Variants in SLC2A7 observed in about 807,000 individuals in gnomAD.
SLC2A7 encodes solute carrier family 2 member 7.
Under a neutral mutation model 50.5 loss-of-function variants are expected in SLC2A7, and 50 were observed. That is an observed-to-expected ratio of 0.99 (90% CI 0.79 to 1.25). The LOEUF (loss-of-function observed/expected upper bound fraction) is 1.25. Ranked by LOEUF, SLC2A7 falls within the 50% of genes most tolerant of loss-of-function variation. The pLI, the probability that SLC2A7 is intolerant of heterozygous loss-of-function variation, is 0.00. For synonymous variants in SLC2A7, 308 were observed against 300.4 expected (o/e 1.03, Z -0.26); for missense variants, 683 against 679.1 (o/e 1.01, Z -0.06).
chr1:8,999,416 T>A (rs1425621404), downstream of SLC2A7, among the ~76,000 whole-genome samples: 1 of 152,238 alleles, frequency 6.6e-6, no homozygotes, highest in Non-Finnish European at 1.5e-5. Flanking sequence ...CCCCTTACTA[T>A]CCTGTCCCCT....
At chr1:9,012,923 T>C (rs1456439593) in intron 8 of SLC2A7, among the ~76,000 whole-genome samples, 2 of 152,052 alleles carry the variant, frequency 1.3e-5, no homozygotes, top group Non-Finnish European at 2.9e-5. Context: ...AGTCTCACTC[T>C]TGTCACCCAG....
At chr1:9,006,379 C>T (rs1326062325) in intron 10 of SLC2A7, among the ~76,000 whole-genome samples, 1 of 152,184 alleles carries the variant, frequency 6.6e-6, no homozygotes, top group Non-Finnish European at 1.5e-5. Flanking sequence ...TCCCGAGTAG[C>T]TGGGACTACA....
rs1363072850 is a variant in SLC2A7, at chr1:9,008,280, G to A, written c.1117-895C>T. On this transcript the variant is annotated intron_variant, in intron 9 of 11. Transcript: ENST00000400906. This position sits in a 1 kb window ranked among gnomAD's most constrained non-coding sequence, Gnocchi z 5.9. ...TGGCGAGGTGGGAGGGGAGGCACTG[G>A]GAGCTTCCAAGCAGAGAAGCAACAA... 6.6e-6 allele frequency among the ~76,000 whole-genome samples: 1 copy of A among 152,106 alleles called. No individual in the cohort carries two copies. Among genetic ancestry groups the A allele is most frequent in the African/African-American group, 2.4e-5 (1 of 41,412 alleles).
At chr1:9,011,965 G>T (rs1453768980) in intron 8 of SLC2A7, among the ~76,000 whole-genome samples, 4 of 151,784 alleles carry the variant, frequency 2.6e-5, no homozygotes, top group Non-Finnish European at 5.9e-5. Context: ...GGCCAGGCTG[G>T]TCTCGAACTC....
In SLC2A7 at chr1:9,026,313, G is replaced by A. The variant is rs1641000793; in HGVS notation, c.33C>T (p.Pro11=). Residue 11 remains proline (P), a synonymous_variant, in exon 1 of 12, where the codon CCC becomes CCT. Coordinates refer to ENST00000400906, the MANE Select transcript of SLC2A7 (RefSeq NM_207420.3). ...CACTTACCCCCTCCCTGGATGGAAT[G>A]GGTGGAGGGGTTCCCGCCTCTTTGT... The part of the protein sequence containing the change: MENKEAGTPP[P]IPSREGRLQP... The A allele has an allele frequency of 1.2e-6, 2 of 1,609,714 alleles. No homozygotes were observed. Among genetic ancestry groups the A allele is most frequent in the African/African-American group, 1.3e-5 (1 of 74,986 alleles).
At chr1:8,996,083 T>C in the SLC2A7 span, among the ~76,000 whole-genome samples, 1 of 150,200 alleles carries the variant, frequency 6.7e-6, no homozygotes, top group Non-Finnish European at 1.5e-5. Flanking sequence ...AACATTTTTA[T>C]AGTTTTTTCT....
At position 9,008,408 on chromosome 1, in the gene SLC2A7, C is replaced by T. The variant is rs1194046948; in HGVS notation, c.1117-1023G>A. 1.3e-5 allele frequency among the ~76,000 whole-genome samples: 2 copies of T among 152,120 alleles called. No individual in the cohort carries two copies. The highest frequency in any genetic ancestry group is 2.4e-5 in the African/African-American group (1 of 41,412). Reference sequence around the variant, plus strand: ...CTGGGTTGGTGGGGCCGCCCTGGACCCGGTGTGAAGCGAGCAGCTGCTGCT... The same window carrying T: ...CTGGGTTGGTGGGGCCGCCCTGGACTCGGTGTGAAGCGAGCAGCTGCTGCT... On this transcript the variant is annotated intron_variant, in intron 9 of 11. Transcript: ENST00000400906. This position sits in a 1 kb window ranked among gnomAD's most constrained non-coding sequence, Gnocchi z 5.9.
At chr1:8,998,226 G>A (rs10746483), downstream of SLC2A7, among the ~76,000 whole-genome samples, 59,207 of 151,608 alleles carry the variant, frequency 0.39, 12,123 homozygotes, top group East Asian at 0.66. Flanking sequence ...TAACATGGTG[G>A]AACCCTGTCT....
chr1:9,019,939 A>G (rs1224450310), intron 3 of SLC2A7, among the ~76,000 whole-genome samples: 1 of 152,288 alleles, frequency 6.6e-6, no homozygotes, highest in African/African-American at 2.4e-5. Flanking sequence ...AAAGAAAAAG[A>G]AAAAGAAAAA....
chr1:9,010,357 G>GTCTT (rs552163843), intron 8 of SLC2A7, 113 bp from the exon 9 acceptor site: 1 of 803,378 alleles, frequency 1.2e-6, no homozygotes, highest in Non-Finnish European at 2.0e-6. Flanking sequence ...TCTTTCTTTT[G>GTCTT]TCTTTCTTTC....
In SLC2A7 at chr1:9,014,741, G is replaced by C. The variant is rs769071889; in HGVS notation, c.843C>G (p.Arg281=). Residue 281 remains arginine (R), a synonymous_variant, in exon 7 of 12, where the codon CGC becomes CGG. Coordinates refer to ENST00000400906, the MANE Select transcript of SLC2A7 (RefSeq NM_207420.3). ...GCACGATGATGGAGAGGAGCTGCCA[G>C]CGCAGGGACCGCAGGGCACAGAGGT... ...VLHLCALRSL[R]WQLLSIIVLM... is the part of the protein sequence containing the mutation. 1 of 1,578,234 alleles carries C rather than the reference G, an allele frequency of 6.3e-7. No individual in the cohort carries two copies. The highest frequency in any genetic ancestry group is 2.3e-5 in the East Asian group (1 of 42,922).
At chr1:9,021,820 C>T (rs2124265110) in intron 3 of SLC2A7, among the ~76,000 whole-genome samples, 1 of 152,308 alleles carries the variant, frequency 6.6e-6, no homozygotes, top group South Asian at 2.1e-4. Flanking sequence ...CTGGGCAAGG[C>T]TGGCACCACC....
In SLC2A7 at chr1:9,020,202, G is replaced by T. The variant is rs181824776; in HGVS notation, c.312-869C>A. ...AAGCTGGGGAGGGGAGCATTCTAAC[G>T]ATCGGAGCTGCCTGCAAAGGGGAGG... On this transcript the variant is annotated intron_variant, in intron 3 of 11. Coordinates refer to ENST00000400906, the MANE Select transcript of SLC2A7 (RefSeq NM_207420.3). 5.3e-3 allele frequency among the ~76,000 whole-genome samples: 813 copies of T among 152,258 alleles called. 6 individuals carry two copies. The highest frequency in any genetic ancestry group is 9.2e-3 in the Non-Finnish European group (625 of 68,006).
intron 7 of SLC2A7, 106 bp from the exon 8 acceptor site, chr1:9,013,741 C>T: frequency 1.0e-6 from 1 of 955,718 alleles, no homozygotes; most frequent in East Asian, 2.7e-5. Flanking sequence ...GGTTGGGGAC[C>T]CTGGGACAGG....
intron 5 of SLC2A7, among the ~76,000 whole-genome samples, chr1:9,017,498 G>C (rs1023927383): frequency 1.3e-5 from 2 of 152,094 alleles, no homozygotes; most frequent in African/African-American, 2.4e-5. Flanking sequence ...GGCCTCGCGG[G>C]GTCTCCCCAC....
chr1:8,993,851 T>A, the SLC2A7 span, among the ~76,000 whole-genome samples: 1 of 152,110 alleles, frequency 6.6e-6, no homozygotes, highest in African/African-American at 2.4e-5. Context: ...ATGGTCTCAA[T>A]CTTCTGATCT....
intron 9 of SLC2A7, 135 bp from the exon 10 acceptor site, chr1:9,007,520 G>A: frequency 2.7e-6 from 2 of 753,462 alleles, no homozygotes; most frequent in South Asian, 1.8e-5. Flanking sequence ...GACCTTGAGG[G>A]CTCTGTGGGC....
At chr1:9,005,960 G>A (rs1046930856) in intron 10 of SLC2A7, among the ~76,000 whole-genome samples, 23 of 152,080 alleles carry the variant, frequency 1.5e-4, no homozygotes, top group Admixed American at 6.6e-5. Context: ...AGTGGACGCC[G>A]GCAGGGATGT....
intron 8 of SLC2A7, among the ~76,000 whole-genome samples, chr1:9,012,175 T>A (rs1640759627): frequency 6.6e-6 from 1 of 152,168 alleles, no homozygotes; most frequent in Non-Finnish European, 1.5e-5. Flanking sequence ...ACAGACAGAC[T>A]ATCACTGCCA....
Sources: gnomAD v4.1 joint callset for allele counts (sites outside exome capture counted in the v4.1 genomes callset) on GRCh38, gnomAD v4.1.1 for gene constraint, Gnocchi (gnomAD v3.1) non-coding constraint, MANE v1.5 for transcripts, NCBI Gene and HGNC (gene_info 2026-07-23, HGNC 2026-07-21) for gene names.